MGRN1: variants seen among roughly 807,000 people sequenced by gnomAD.
MGRN1 encodes mahogunin ring finger 1.
A neutral mutation model predicts 69.2 loss-of-function variants in MGRN1; 29 were observed. The observed-to-expected ratio is 0.42, with a 90% CI of 0.31 to 0.57. The LOEUF (loss-of-function observed/expected upper bound fraction) is 0.57. MGRN1 is among the 20% of genes least tolerant of loss of function. MGRN1 has a pLI of 0.15. For synonymous variants in MGRN1, 470 were observed against 344.2 expected, an observed-to-expected ratio of 1.37 and a Z score of -4.04; for missense variants, 998 against 796.2, an observed-to-expected ratio of 1.25 and a Z score of -3.05.
chr16:4,676,591 C>CA, intron 10 of MGRN1, among the ~76,000 whole-genome samples: 1 of 152,296 alleles, frequency 6.6e-6, no homozygotes, highest in Non-Finnish European at 1.5e-5. Flanking sequence ...TAGAAATTGA[C>CA]ACAGAGGAGG....
chr16:4,648,485 G>A (rs1242150003), intron 1 of MGRN1, among the ~76,000 whole-genome samples: 3 of 116,082 alleles, frequency 2.6e-5, no homozygotes, highest in South Asian at 2.8e-4. Flanking sequence ...TCCTCCTCCC[G>A]GGGGCTCTTC....
At chr16:4,674,766 G>A (rs1415203857) in intron 10 of MGRN1, among the ~76,000 whole-genome samples, 1 of 145,454 alleles carries the variant, frequency 6.9e-6, no homozygotes, top group Non-Finnish European at 1.5e-5. Context: ...TCAGCCTCCC[G>A]AGTAGCTGGG....
At position 4,680,169 on chromosome 16, in the gene MGRN1, G is replaced by C. The variant is rs2079147316; in HGVS notation, c.1131+72G>C. 5 of 1,446,354 alleles carry C rather than the reference G, an allele frequency of 3.5e-6. No individual in the cohort carries two copies. In the Admixed American group the frequency reaches 9.0e-5, roughly 26 times the overall value. 89.6% of individuals were successfully genotyped at this position (1,446,354 alleles called of 1,614,324 possible). On this transcript the variant is annotated intron_variant, in intron 12 of 16. Transcript: ENST00000262370. Reference sequence around the variant, plus strand: ...TTTTAAACCCACGACAAGTAGGGGAGATCGTTTCCGCCCCAGGCTAGTGTC... The same window carrying C: ...TTTTAAACCCACGACAAGTAGGGGACATCGTTTCCGCCCCAGGCTAGTGTC...
Position 4,688,920 on chromosome 16 carries a change from A to T in MGRN1, c.*12A>T. ...TGACCCCACTCTGAGAGCCTGGCCG[A>T]GCTGGCAGCATGGAGCCCTCGGCTC... On this transcript the variant is annotated 3_prime_UTR_variant, in exon 17 of 17. Coordinates refer to ENST00000262370, the MANE Select transcript of MGRN1 (RefSeq NM_015246.4). 1 of 1,534,750 alleles carries T rather than the reference A, an allele frequency of 6.5e-7. No individual in the cohort carries two copies. Among genetic ancestry groups the T allele is most frequent in the African/African-American group, 1.4e-5 (1 of 72,850 alleles).
chr16:4,687,341 G>A, intron 16 of MGRN1: 1 of 966,788 alleles, frequency 1.0e-6, no homozygotes, highest in East Asian at 1.1e-4. Flanking sequence ...TTGAGCCCAG[G>A]AATTCAAGAT....
chr16:4,682,794 C>T, intron 13 of MGRN1, 29 bp from the exon 14 acceptor site: 1 of 1,514,686 alleles, frequency 6.6e-7, no homozygotes. Context: ...TATCCTCTCA[C>T]CCCTGCCCAC....
intron 8 of MGRN1, among the ~76,000 whole-genome samples, chr16:4,668,677 TAG>T (rs1482581709): frequency 6.6e-6 from 1 of 151,494 alleles, no homozygotes; most frequent in Non-Finnish European, 1.5e-5. Context: ...CACATATACA[TAG>T]ACACACTCGT....
At chr16:4,654,443 A>C (rs2078484243) in intron 4 of MGRN1, among the ~76,000 whole-genome samples, 1 of 152,214 alleles carries the variant, frequency 6.6e-6, no homozygotes, top group Non-Finnish European at 1.5e-5. Context: ...GAAAACTGCA[A>C]CTTCAGCAGG....
intron 16 of MGRN1, among the ~76,000 whole-genome samples, chr16:4,686,035 G>T (rs2079307176): frequency 6.6e-6 from 1 of 152,194 alleles, no homozygotes; most frequent in South Asian, 2.1e-4. Context: ...GCAGCGGGAG[G>T]TATGGGAGGG....
At chr16:4,656,404 C>G (rs372702868) in intron 4 of MGRN1, among the ~76,000 whole-genome samples, 1 of 152,190 alleles carries the variant, frequency 6.6e-6, no homozygotes, top group African/African-American at 2.4e-5. Flanking sequence ...AGTGTTGACG[C>G]CTACCCCGTC....
At chr16:4,648,453 A>G (rs112523614) in intron 1 of MGRN1, among the ~76,000 whole-genome samples, 92 of 57,782 alleles carry the variant, frequency 1.6e-3, no homozygotes, top group African/African-American at 7.3e-3. Context: ...CCTCTCGGGG[A>G]CTCTTCCCGT....
At chr16:4,648,187 A>C (rs2078314221) in intron 1 of MGRN1, among the ~76,000 whole-genome samples, 1 of 152,116 alleles carries the variant, frequency 6.6e-6, no homozygotes, top group African/African-American at 2.4e-5. Context: ...TATTCTGAGC[A>C]TCCTTGAAAT....
chr16:4,663,674 G>A (rs973706559), intron 5 of MGRN1, among the ~76,000 whole-genome samples: 2 of 152,180 alleles, frequency 1.3e-5, no homozygotes, highest in Non-Finnish European at 2.9e-5. Context: ...GGCTTTCCTG[G>A]TTGCCAGGGT....
intron 1 of MGRN1, among the ~76,000 whole-genome samples, chr16:4,629,239 G>A (rs757881482): frequency 5.6e-4 from 84 of 148,988 alleles, no homozygotes; most frequent in Non-Finnish European, 1.0e-3. Context: ...AAACTGGATT[G>A]TTTATCTTAC....
intron 1 of MGRN1, among the ~76,000 whole-genome samples, chr16:4,646,278 C>G (rs972498288): frequency 6.6e-6 from 1 of 152,070 alleles, no homozygotes; most frequent in Non-Finnish European, 1.5e-5. Context: ...AAAAAATAAA[C>G]AAAAATGAGC....
Position 4,684,978 on chromosome 16 carries a change from C to T in MGRN1, c.1618+1046C>T, listed in dbSNP as rs1295477767. Among the ~76,000 whole-genome samples the T allele has an allele frequency of 6.6e-5, 10 of 152,240 alleles. No individual in the cohort carries two copies. In the East Asian group the frequency reaches 1.5e-3, roughly 23 times the overall value. On this transcript the variant is annotated intron_variant, in intron 16 of 16. Coordinates refer to ENST00000262370, the MANE Select transcript of MGRN1 (RefSeq NM_015246.4). ...GACGTGCTTTAGTTGGAAAGGGGCT[C>T]TTGTGCCCCCGGACTCTGGCTGAGC...
intron 13 of MGRN1, among the ~76,000 whole-genome samples, chr16:4,682,124 G>A (rs1019382245): frequency 1.3e-5 from 2 of 152,210 alleles, no homozygotes; most frequent in Admixed American, 6.5e-5. Context: ...GACTTCATTG[G>A]GGGGCTGGCC....
At chr16:4,681,926 G>T in intron 13 of MGRN1, 150 bp downstream of exon 13, 1 of 826,500 alleles carries the variant, frequency 1.2e-6, no homozygotes, top group Non-Finnish European at 1.8e-6. Flanking sequence ...TTAGACTCAT[G>T]GGTAAAGTTT....
Position 4,673,502 on chromosome 16 carries a change from C to A in MGRN1, c.800C>A (p.Ser267Ter). 6.2e-7 allele frequency: 1 copy of A among 1,612,264 alleles called. No homozygotes were observed. The change falls in exon 10 of 17, where the codon TCG becomes TAG. Residue 267 changes from serine to a stop codon, truncating the protein, a stop_gained. Coordinates refer to ENST00000262370, the MANE Select transcript of MGRN1 (RefSeq NM_015246.4). LOFTEE classifies it high-confidence loss of function. ...CACAAGCCCTTGTCCCGGCAGCCCT[C>A]GGACGACGAGAACAGCGACAACAGC... Reference protein sequence around the residue: ...ENKNNQETKPSDDENSDNSNE... With the variant: ...ENKNNQETKP
Sources: allele counts gnomAD v4.1 joint callset (sites outside exome capture counted in the v4.1 genomes callset), GRCh38; gene constraint gnomAD v4.1.1; transcripts MANE v1.5; gene names NCBI Gene and HGNC (gene_info 2026-07-23, HGNC 2026-07-21).